The following ATG7 variants were observed in gnomAD, a reference collection of about 807,000 sequenced individuals.
The protein encoded by ATG7 is autophagy related 7.
ATG7 carries 70 observed loss-of-function variants against 82.4 expected under a neutral mutation model. That is an observed-to-expected ratio of 0.85 (90% CI 0.70 to 1.04). ATG7 has a LOEUF of 1.04. ATG7 is among the 50% of genes least tolerant of loss of function. The pLI, the probability that ATG7 is intolerant of heterozygous loss-of-function variation, is 0.00. For missense variants in ATG7, 792 were observed against 864.3 expected (o/e 0.92, Z 1.05); for synonymous variants, 287 against 313.0 (o/e 0.92, Z 0.88).
intron 20 of ATG7, chr3:11,488,457 C>G: frequency 1.6e-6 from 2 of 1,282,874 alleles, no homozygotes; most frequent in Admixed American, 7.1e-5. Context: ...TCGGTCGCGG[C>G]AGCGGCTCCG....
chr3:11,451,950 T>C (rs2085223111), intron 20 of ATG7, among the ~76,000 whole-genome samples: 1 of 98,456 alleles, frequency 1.0e-5, no homozygotes, highest in Non-Finnish European at 2.0e-5. Context: ...GATTCTATTT[T>C]TGTGAAGTGT....
intron 20 of ATG7, among the ~76,000 whole-genome samples, chr3:11,453,807 G>T (rs1450169172): frequency 1.3e-5 from 2 of 152,158 alleles, no homozygotes; most frequent in Non-Finnish European, 2.9e-5. Context: ...AGTGATGGGG[G>T]AGTGCAAGGG....
chr3:11,432,615 C>G (rs554485055), intron 20 of ATG7, among the ~76,000 whole-genome samples: 2 of 151,888 alleles, frequency 1.3e-5, no homozygotes, highest in South Asian at 2.1e-4. Context: ...ATCTACATAA[C>G]CAAAAATCAC....
chr3:11,361,636 T>C (rs556503296), intron 16 of ATG7, among the ~76,000 whole-genome samples: 2 of 152,328 alleles, frequency 1.3e-5, no homozygotes, highest in African/African-American at 4.8e-5. Flanking sequence ...GACCCACTTA[T>C]ACTAAAAATT....
intron 20 of ATG7, among the ~76,000 whole-genome samples, chr3:11,493,372 G>T (rs76988957): frequency 1.7e-3 from 264 of 152,236 alleles, no homozygotes; most frequent in Admixed American, 2.6e-3. Flanking sequence ...GACACAGGAT[G>T]GGGGGACAGG....
rs1011506520 is a variant in ATG7 at position 11,556,644 on chromosome 3, A to ATGAT, written c.*1803_*1806dup. 6.5e-6 allele frequency: 1 copy of ATGAT among 152,740 alleles called. No individual in the cohort carries two copies. The highest frequency in any genetic ancestry group is 6.5e-5 in the Admixed American group (1 of 15,284). 9.5% of individuals were successfully genotyped at this position (152,740 alleles called of 1,614,324 possible). A position where few individuals can be genotyped will look rare whatever the true frequency, so the allele number is the denominator to read the frequency against. On this transcript the variant is annotated 3_prime_UTR_variant, in exon 21 of 21. Coordinates refer to ENST00000693202, the MANE Select transcript of ATG7 (RefSeq NM_001349232.2). Reference sequence around the variant, plus strand: ...TTTTTCCGAACAACAAAAAAAATGAATGATTACAATAGGAAAGGGAAAAAT... The same window carrying ATGAT: ...TTTTTCCGAACAACAAAAAAAATGAATGATTGATTACAATAGGAAAGGGAAAAAT...
chr3:11,429,467 G>A (rs573101810), intron 20 of ATG7, among the ~76,000 whole-genome samples: 11 of 152,112 alleles, frequency 7.2e-5, no homozygotes, highest in African/African-American at 2.7e-4. Flanking sequence ...CTGCACTCCA[G>A]CCTGGGCGAC....
intron 20 of ATG7, among the ~76,000 whole-genome samples, chr3:11,530,655 T>C (rs890309192): frequency 4.6e-5 from 7 of 152,154 alleles, no homozygotes; most frequent in African/African-American, 1.7e-4. Context: ...AGTATCTTTC[T>C]CTCTTCAATC....
chr3:11,331,889 C>T (rs1399866502), intron 10 of ATG7, among the ~76,000 whole-genome samples: 4 of 152,206 alleles, frequency 2.6e-5, no homozygotes, highest in African/African-American at 7.2e-5. Flanking sequence ...TGAGATGCTA[C>T]TACATATCCA....
intron 20 of ATG7, among the ~76,000 whole-genome samples, chr3:11,491,618 CT>C (rs773145919): frequency 8.2e-4 from 125 of 152,038 alleles, no homozygotes; most frequent in Non-Finnish European, 7.5e-4. Context: ...TACTTTTGGT[CT>C]TTGATGTTGG....
chr3:11,404,670 A>G (rs1173315305), intron 19 of ATG7, among the ~76,000 whole-genome samples: 1 of 152,032 alleles, frequency 6.6e-6, no homozygotes, highest in Non-Finnish European at 1.5e-5. Context: ...TGGGTAATTT[A>G]TAAGGGAAAG....
At chr3:11,319,545 C>T (rs1261177171) in intron 9 of ATG7, among the ~76,000 whole-genome samples, 1 of 152,182 alleles carries the variant, frequency 6.6e-6, no homozygotes, top group African/African-American at 2.4e-5. Context: ...ACTCCAGAAA[C>T]CATTTCCTCC....
At chr3:11,313,689 A>G (rs1399038896) in intron 8 of ATG7, among the ~76,000 whole-genome samples, 2 of 152,190 alleles carry the variant, frequency 1.3e-5, no homozygotes, top group Non-Finnish European at 2.9e-5. Context: ...TGTAGCTTCA[A>G]CTTCTCAGGC....
At chr3:11,357,630 A>C (rs575808386) in intron 14 of ATG7, among the ~76,000 whole-genome samples, 22 of 152,214 alleles carry the variant, frequency 1.4e-4, no homozygotes, top group Non-Finnish European at 3.1e-4. Flanking sequence ...TATATTTGCT[A>C]GAACACTCCA....
At chr3:11,462,779 A>G (rs1416205537) in intron 20 of ATG7, among the ~76,000 whole-genome samples, 3 of 152,230 alleles carry the variant, frequency 2.0e-5, no homozygotes, top group Admixed American at 2.0e-4. Flanking sequence ...TTTTTAAAAG[A>G]TGTTCAAACA....
chr3:11,378,347 A>G (rs148202219), intron 18 of ATG7, among the ~76,000 whole-genome samples: 44 of 150,464 alleles, frequency 2.9e-4, no homozygotes, highest in African/African-American at 7.8e-4. Flanking sequence ...TCAATATGCT[A>G]TGTGTTTTTT....
chr3:11,447,792 G>C (rs2084720064), intron 20 of ATG7, among the ~76,000 whole-genome samples: 1 of 152,130 alleles, frequency 6.6e-6, no homozygotes, highest in Non-Finnish European at 1.5e-5. Context: ...AGTAGAAAGG[G>C]AAGGGCTGCC....
chr3:11,416,623 A>G (rs2081394398), intron 19 of ATG7, among the ~76,000 whole-genome samples: 2 of 152,132 alleles, frequency 1.3e-5, no homozygotes, highest in Non-Finnish European at 2.9e-5. Flanking sequence ...TTGGAGGCTT[A>G]TCAATTTACC....
chr3:11,546,999 G>A (rs952805377), intron 20 of ATG7, among the ~76,000 whole-genome samples: 3 of 152,208 alleles, frequency 2.0e-5, no homozygotes, highest in Non-Finnish European at 4.4e-5. Context: ...GTCAGGAGCT[G>A]GCCTGTCCTT....
Sources: allele counts gnomAD v4.1 joint callset (sites outside exome capture counted in the v4.1 genomes callset), GRCh38; gene constraint gnomAD v4.1.1; transcripts MANE v1.5; gene names NCBI Gene and HGNC (gene_info 2026-07-23, HGNC 2026-07-21).